Variants in ZMAT4 observed in about 807,000 individuals in gnomAD.
The protein encoded by ZMAT4 is zinc finger matrin-type protein 4.
Under a neutral mutation model 28.7 loss-of-function variants are expected in ZMAT4, and 17 were observed. That is an observed-to-expected ratio of 0.59 (90% CI 0.41 to 0.89). The LOEUF is 0.89. ZMAT4 is among the 40% of genes least tolerant of loss of function. The probability of loss-of-function intolerance (pLI) is 0.00; values close to 1 mark genes in which losing one functional copy is unlikely to be tolerated. For synonymous variants in ZMAT4, 117 were observed against 109.2 expected (o/e 1.07, Z -0.44); for missense variants, 240 against 283.8 (o/e 0.85, Z 1.11).
intron 1 of ZMAT4, among the ~76,000 whole-genome samples, chr8:40,894,164 G>A (rs777544436): frequency 3.3e-5 from 5 of 152,228 alleles, no homozygotes; most frequent in Admixed American, 1.3e-4. Context: ...GTGAGGGCTT[G>A]CGGCTGGTGG....
At chr8:40,639,133 A>G (rs1806909822) in intron 5 of ZMAT4, among the ~76,000 whole-genome samples, 1 of 152,242 alleles carries the variant, frequency 6.6e-6, no homozygotes, top group African/African-American at 2.4e-5. Context: ...TGCTGCAGAC[A>G]GGAGCCTGGA....
chr8:40,854,703 G>A (rs1314812199), intron 1 of ZMAT4, among the ~76,000 whole-genome samples: 2 of 152,136 alleles, frequency 1.3e-5, no homozygotes, highest in Non-Finnish European at 2.9e-5. Flanking sequence ...GAGCTGGCAT[G>A]GATAAGGCAA....
At chr8:40,758,810 C>T (rs1488037779) in intron 3 of ZMAT4, among the ~76,000 whole-genome samples, 2 of 152,092 alleles carry the variant, frequency 1.3e-5, no homozygotes, top group Non-Finnish European at 2.9e-5. Context: ...CTTGCTAATG[C>T]CACAGAGAGA....
intron 1 of ZMAT4, among the ~76,000 whole-genome samples, chr8:40,892,061 C>A (rs989326481): frequency 1.3e-5 from 2 of 152,134 alleles, no homozygotes; most frequent in Non-Finnish European, 2.9e-5. Flanking sequence ...ACGTGTGTGG[C>A]GGTGTGCACT....
intron 1 of ZMAT4, among the ~76,000 whole-genome samples, chr8:40,829,928 T>C (rs1291793629): frequency 6.6e-6 from 1 of 151,928 alleles, no homozygotes; most frequent in Admixed American, 6.6e-5. Context: ...TTTGGAATAA[T>C]TTAACATAAG....
chr8:40,646,772 C>T (rs936661213), intron 5 of ZMAT4, among the ~76,000 whole-genome samples: 1 of 152,088 alleles, frequency 6.6e-6, no homozygotes, highest in Non-Finnish European at 1.5e-5. Flanking sequence ...CTTCACTACT[C>T]CACTTTCAAT....
intron 6 of ZMAT4, among the ~76,000 whole-genome samples, chr8:40,553,160 A>T (rs1803418672): frequency 6.6e-6 from 1 of 152,150 alleles, no homozygotes; most frequent in Admixed American, 6.5e-5. Context: ...AGGAGGAAAG[A>T]GCCATGGAAC....
At chr8:40,886,653 G>T (rs1171130899) in intron 1 of ZMAT4, among the ~76,000 whole-genome samples, 1 of 152,120 alleles carries the variant, frequency 6.6e-6, no homozygotes, top group Non-Finnish European at 1.5e-5. Context: ...AAGAGATTAC[G>T]CACAGGCTTG....
intron 3 of ZMAT4, among the ~76,000 whole-genome samples, chr8:40,763,091 G>A (rs1813004699): frequency 6.6e-6 from 1 of 152,152 alleles, no homozygotes; most frequent in African/African-American, 2.4e-5. Context: ...ATCGTATCAG[G>A]AGAGGCCAGG....
At chr8:40,788,086 A>C (rs921152898) in intron 2 of ZMAT4, among the ~76,000 whole-genome samples, 2 of 152,194 alleles carry the variant, frequency 1.3e-5, no homozygotes, top group Non-Finnish European at 2.9e-5. Flanking sequence ...GATCAGTAAA[A>C]CTGATAAATC....
chr8:40,611,962 C>G (rs539567327), intron 5 of ZMAT4, among the ~76,000 whole-genome samples: 2 of 152,084 alleles, frequency 1.3e-5, no homozygotes, highest in Non-Finnish European at 2.9e-5. Flanking sequence ...TGATCAGACC[C>G]CCACTGTCAT....
chr8:40,752,755 ACT>A (rs1563458603), intron 3 of ZMAT4, among the ~76,000 whole-genome samples: 1 of 151,926 alleles, frequency 6.6e-6, no homozygotes, highest in Non-Finnish European at 1.5e-5. Context: ...GATTCAGTGG[ACT>A]CTTGCAAGGC....
intron 5 of ZMAT4, among the ~76,000 whole-genome samples, chr8:40,608,522 G>A (rs1805681897): frequency 6.6e-6 from 1 of 152,106 alleles, no homozygotes; most frequent in Admixed American, 6.5e-5. Context: ...AGCAGGTGGG[G>A]TTTTCAGGTT....
chr8:40,618,524 C>T (rs1467015598), intron 5 of ZMAT4, among the ~76,000 whole-genome samples: 4 of 152,146 alleles, frequency 2.6e-5, no homozygotes, highest in Admixed American at 1.3e-4. Context: ...GACAGAAAAT[C>T]AGGTAGTATT....
At chr8:40,644,240 C>A (rs922621679) in intron 5 of ZMAT4, among the ~76,000 whole-genome samples, 4 of 152,102 alleles carry the variant, frequency 2.6e-5, no homozygotes, top group African/African-American at 9.7e-5. Context: ...CCTAAGCAAG[C>A]AACCTAGCAC....
intron 5 of ZMAT4, among the ~76,000 whole-genome samples, chr8:40,659,867 T>C (rs1435518411): frequency 6.6e-6 from 1 of 152,226 alleles, no homozygotes; most frequent in Non-Finnish European, 1.5e-5. Flanking sequence ...CGCTGAACCT[T>C]ACTGATTCAC....
chr8:40,862,379 T>A (rs1271448581), intron 1 of ZMAT4, among the ~76,000 whole-genome samples: 2 of 129,372 alleles, frequency 1.5e-5, no homozygotes, highest in Admixed American at 8.7e-5. Context: ...ATGAGATCAC[T>A]TGGACACAGG....
chr8:40,653,566 G>C (rs375621146), intron 5 of ZMAT4, among the ~76,000 whole-genome samples: 1 of 152,076 alleles, frequency 6.6e-6, no homozygotes, highest in African/African-American at 2.4e-5. Flanking sequence ...AAATGAAAGA[G>C]AGGACATCAC....
intron 3 of ZMAT4, among the ~76,000 whole-genome samples, chr8:40,760,065 C>A (rs952861779): frequency 5.3e-5 from 8 of 152,270 alleles, no homozygotes; most frequent in Non-Finnish European, 1.0e-4. Context: ...CACTCTTATG[C>A]TTGTGCGAGC....
Sources: gnomAD v4.1 joint callset for allele counts (sites outside exome capture counted in the v4.1 genomes callset) on GRCh38, gnomAD v4.1.1 for gene constraint, MANE v1.5 for transcripts, NCBI Gene and HGNC (gene_info 2026-07-23, HGNC 2026-07-21) for gene names.